ODAD2: variants seen among roughly 807,000 people sequenced by gnomAD.
ODAD2 encodes outer dynein arm-docking complex subunit 2.
Under a neutral mutation model 106.8 loss-of-function variants are expected in ODAD2, and 89 were observed. That is an observed-to-expected ratio of 0.83 (90% CI 0.70 to 0.99). The LOEUF is 0.99. Ranked by LOEUF, ODAD2 falls within the 50% of genes least tolerant of loss-of-function variation. ODAD2 has a pLI of 0.00. For synonymous variants in ODAD2, 404 were observed against 436.2 expected (o/e 0.93, Z 0.92); for missense variants, 1,168 against 1,238.5 (o/e 0.94, Z 0.85).
chr10:27,860,523 G>A (rs1056210866), intron 19 of ODAD2, 102 bp downstream of exon 19: 42 of 1,084,464 alleles, frequency 3.9e-5, no homozygotes, highest in Non-Finnish European at 4.7e-5. Flanking sequence ...GCACTTTTGT[G>A]TCTCTGAATA....
intron 17 of ODAD2, among the ~76,000 whole-genome samples, chr10:27,893,239 T>C (rs894046022): frequency 9.9e-5 from 15 of 152,198 alleles, no homozygotes; most frequent in African/African-American, 3.6e-4. Flanking sequence ...CTACATTCAC[T>C]AGAAGCAATA....
At chr10:27,831,027 T>C (rs977375438) in intron 19 of ODAD2, among the ~76,000 whole-genome samples, 6 of 152,048 alleles carry the variant, frequency 3.9e-5, no homozygotes, top group Non-Finnish European at 8.8e-5. Context: ...AAAGGCACCA[T>C]GAGAAAAACA....
intron 17 of ODAD2, among the ~76,000 whole-genome samples, chr10:27,892,382 G>A (rs755541892): frequency 2.0e-5 from 3 of 152,176 alleles, no homozygotes; most frequent in South Asian, 2.1e-4. Context: ...AAGACCGTGC[G>A]GCTTTCTAAG....
At chr10:27,960,855 C>A (rs886127394) in intron 10 of ODAD2, among the ~76,000 whole-genome samples, 1 of 152,106 alleles carries the variant, frequency 6.6e-6, no homozygotes, top group African/African-American at 2.4e-5. Flanking sequence ...TACTTCTGGA[C>A]GTCGGCTTTA....
intron 10 of ODAD2, among the ~76,000 whole-genome samples, chr10:27,956,772 A>T (rs1847764215): frequency 6.6e-6 from 1 of 152,200 alleles, no homozygotes; most frequent in East Asian, 1.9e-4. Flanking sequence ...TTGACCTTGG[A>T]TCCACAAATT....
intron 2 of ODAD2, among the ~76,000 whole-genome samples, chr10:27,989,717 C>T (rs998771208): frequency 6.6e-6 from 1 of 152,128 alleles, no homozygotes; most frequent in Admixed American, 6.5e-5. Context: ...GGCATGGTGG[C>T]ACGTGCTTTG....
intron 16 of ODAD2, among the ~76,000 whole-genome samples, chr10:27,918,053 T>TAA (rs201305183): frequency 8.6e-5 from 13 of 151,544 alleles, no homozygotes; most frequent in African/African-American, 3.1e-4. Flanking sequence ...ATCCTTTTCA[T>TAA]AAAAAAAACT....
intron 19 of ODAD2, among the ~76,000 whole-genome samples, chr10:27,855,095 T>A (rs553406958): frequency 6.6e-6 from 1 of 152,274 alleles, no homozygotes; most frequent in African/African-American, 2.4e-5. Context: ...GTTTCATGTG[T>A]ATGTGTGGGT....
At chr10:27,864,607 G>T in intron 17 of ODAD2, among the ~76,000 whole-genome samples, 1 of 150,712 alleles carries the variant, frequency 6.6e-6, no homozygotes, top group African/African-American at 2.4e-5. Context: ...TGGGGAGTGA[G>T]GTGAGAGTGG....
intron 7 of ODAD2, among the ~76,000 whole-genome samples, chr10:27,972,555 A>T (rs1848928408): frequency 6.6e-6 from 1 of 152,216 alleles, no homozygotes; most frequent in South Asian, 2.1e-4. Context: ...AAAGATACAA[A>T]TACATCAGAA....
rs79431376 is a variant in ODAD2, at chr10:27,839,678, T to C, written c.3021+20947A>G. ...CCAGAAAAACGCTGTGGTTTAAACATAAAGTTGGGAGCCAACAGCGACAGA... is the reference window on the plus strand; with the variant it reads ...CCAGAAAAACGCTGTGGTTTAAACACAAAGTTGGGAGCCAACAGCGACAGA... On this transcript the variant is annotated intron_variant, in intron 19 of 19. Transcript: ENST00000305242. 7.6e-3 allele frequency among the ~76,000 whole-genome samples: 1,158 copies of C among 152,258 alleles called. 14 individuals are homozygous for C. The highest frequency in any genetic ancestry group is 0.027 in the African/African-American group (1,112 of 41,548).
At chr10:27,819,431 C>T (rs999208053) in intron 19 of ODAD2, among the ~76,000 whole-genome samples, 24 of 151,994 alleles carry the variant, frequency 1.6e-4, no homozygotes, top group South Asian at 6.2e-4. Flanking sequence ...TCTCTATCTT[C>T]GAGAGAGTAA....
At chr10:27,889,238 T>C (rs2133685480) in intron 17 of ODAD2, among the ~76,000 whole-genome samples, 1 of 152,268 alleles carries the variant, frequency 6.6e-6, no homozygotes, top group Admixed American at 6.5e-5. Context: ...CCCAACCTTC[T>C]GACCAGAAAC....
chr10:27,862,634 T>C lies in ODAD2; in HGVS notation c.2611-12A>G, dbSNP rs1203834474. On this transcript the variant is annotated splice_polypyrimidine_tract_variant and intron_variant, in intron 17 of 19. Coordinates refer to ENST00000305242, the MANE Select transcript of ODAD2 (RefSeq NM_018076.5). ...ATTTCCCCAGCATCCTAGACAAAAA[T>C]AAAAGTAAAGATGGTATCAAAACTA... 2 of 1,581,832 alleles carry C rather than the reference T, an allele frequency of 1.3e-6. No individual in the cohort carries two copies. The highest frequency in any genetic ancestry group is 1.2e-5 in the South Asian group (1 of 84,540).
At chr10:27,934,781 C>T (rs1326661623) in intron 16 of ODAD2, among the ~76,000 whole-genome samples, 1 of 152,134 alleles carries the variant, frequency 6.6e-6, no homozygotes, top group Non-Finnish European at 1.5e-5. Flanking sequence ...AAATTGATTA[C>T]CGTGTATTGT....
intron 17 of ODAD2, among the ~76,000 whole-genome samples, chr10:27,888,492 T>C (rs537360625): frequency 6.2e-4 from 95 of 152,224 alleles, no homozygotes; most frequent in African/African-American, 2.2e-3. Flanking sequence ...CTATTCATGT[T>C]CTTTGCCCTC....
At chr10:27,990,424 T>C (rs1850153088) in intron 2 of ODAD2, among the ~76,000 whole-genome samples, 1 of 152,224 alleles carries the variant, frequency 6.6e-6, no homozygotes. Flanking sequence ...GATCCTTCCA[T>C]CTCCACCTTC....
intron 17 of ODAD2, among the ~76,000 whole-genome samples, chr10:27,875,477 T>C (rs964764009): frequency 1.3e-5 from 2 of 152,136 alleles, no homozygotes; most frequent in African/African-American, 4.8e-5. Flanking sequence ...TTCCCCATCT[T>C]TGTGGTTTTA....
chr10:27,921,438 T>C (rs1185873338), intron 16 of ODAD2, among the ~76,000 whole-genome samples: 1 of 152,112 alleles, frequency 6.6e-6, no homozygotes, highest in Non-Finnish European at 1.5e-5. Context: ...TTTTAGTATG[T>C]TTTGAATCAT....
Sources: allele counts gnomAD v4.1 joint callset (sites outside exome capture counted in the v4.1 genomes callset), GRCh38; gene constraint gnomAD v4.1.1; transcripts MANE v1.5; gene names NCBI Gene and HGNC (gene_info 2026-07-23, HGNC 2026-07-21).